SLC36A1: variants seen among roughly 807,000 people sequenced by gnomAD.
The protein encoded by SLC36A1 is proton-coupled amino acid transporter 1.
A neutral mutation model predicts 47.5 loss-of-function variants in SLC36A1; 30 were observed. The ratio of observed to expected loss-of-function variants is 0.63; its 90% CI spans 0.47 to 0.86. The LOEUF is 0.86. Ranked by LOEUF, SLC36A1 falls within the 40% of genes least tolerant of loss-of-function variation. The probability of loss-of-function intolerance (pLI) is 0.00; values close to 1 mark genes in which losing one functional copy is unlikely to be tolerated. For synonymous variants in SLC36A1, 255 were observed against 249.7 expected, an observed-to-expected ratio of 1.02 and a Z score of -0.20; for missense variants, 517 against 606.0, an observed-to-expected ratio of 0.85 and a Z score of 1.54.
At chr5:151,383,475 A>G in the SLC36A1 span, among the ~76,000 whole-genome samples, 1 of 150,992 alleles carries the variant, frequency 6.6e-6, no homozygotes. Flanking sequence ...AAAATATATC[A>G]CTCCAAACAC....
At chr5:151,382,676 AC>A in the SLC36A1 span, among the ~76,000 whole-genome samples, 2 of 152,216 alleles carry the variant, frequency 1.3e-5, no homozygotes, top group Non-Finnish European at 2.9e-5. Flanking sequence ...GGCACATAGT[AC>A]CCCAACTCAT....
At chr5:151,347,431 G>T in the SLC36A1 span, 1 of 1,614,150 alleles carries the variant, frequency 6.2e-7, no homozygotes. Context: ...CGGCTCCCTG[G>T]GGACCCTCAG....
At chr5:151,476,534 G>A in intron 8 of SLC36A1, 56 bp from the exon 9 acceptor site, 2 of 1,330,336 alleles carry the variant, frequency 1.5e-6, no homozygotes, top group East Asian at 2.5e-5. Flanking sequence ...TTTTTTCTTG[G>A]CCATTAACTT....
the SLC36A1 span, chr5:151,525,786 C>T: frequency 1.2e-6 from 2 of 1,614,188 alleles, no homozygotes; most frequent in Non-Finnish European, 1.7e-6. Context: ...GAAGCTGATA[C>T]CATTCCTGAG....
chr5:151,544,856 G>A, the SLC36A1 span: 8 of 1,614,210 alleles, frequency 5.0e-6, no homozygotes, highest in Non-Finnish European at 6.8e-6. Flanking sequence ...GCAGATACCT[G>A]AAAGAGGACA....
chr5:151,405,687 G>A, the SLC36A1 span, among the ~76,000 whole-genome samples: 1 of 152,116 alleles, frequency 6.6e-6, no homozygotes, highest in East Asian at 1.9e-4. Flanking sequence ...ATCTTAGGGG[G>A]CTGGTGTTTC....
chr5:151,479,943 G>T, intron 10 of SLC36A1: 1 of 600,220 alleles, frequency 1.7e-6, no homozygotes, highest in South Asian at 2.3e-5. Flanking sequence ...TAGTATTCTA[G>T]ACATTTTTTA....
At chr5:151,537,329 GAAAGA>G in the SLC36A1 span, among the ~76,000 whole-genome samples, 65,349 of 101,050 alleles carry the variant, frequency 0.65, 15,822 homozygotes, top group African/African-American at 0.68. Context: ...GAGAAAAAAA[GAAAGA>G]AAAGAAAAGA....
At chr5:151,396,273 C>T in the SLC36A1 span, among the ~76,000 whole-genome samples, 527 of 151,576 alleles carry the variant, frequency 3.5e-3, 8 homozygotes, top group African/African-American at 0.012. Context: ...CCACCATGCC[C>T]GACTAATTTA....
rs74794878 is a variant in SLC36A1 at position 151,451,202 on chromosome 5, A to G, written c.-6+3389A>G. On this transcript the variant is annotated intron_variant, in intron 1 of 10. Coordinates refer to ENST00000243389, the MANE Select transcript of SLC36A1 (RefSeq NM_078483.4). The stretch of plus-strand genomic sequence containing the variant: ...CCCAGGGCCAGTTCTTTTTTTACTT[A>G]TTATTTATTTTATTTTATTATTATT... Among the ~76,000 whole-genome samples, 1,649 of 151,732 alleles carry G rather than the reference A, an allele frequency of 0.011. 67 individuals carry two copies. In the East Asian group the frequency reaches 0.14, roughly 13 times the overall value.
At chr5:151,425,024 A>T in the SLC36A1 span, among the ~76,000 whole-genome samples, 3 of 152,242 alleles carry the variant, frequency 2.0e-5, no homozygotes, top group East Asian at 3.8e-4. Flanking sequence ...AAACAACAAA[A>T]AAAGGGCTAA....
At chr5:151,363,999 T>C in the SLC36A1 span, among the ~76,000 whole-genome samples, 2 of 152,222 alleles carry the variant, frequency 1.3e-5, no homozygotes, top group African/African-American at 4.8e-5. Context: ...CAGTATAGTA[T>C]GTACTATAGT....
the SLC36A1 span, chr5:151,527,396 T>C: frequency 6.3e-7 from 1 of 1,579,136 alleles, no homozygotes; most frequent in Non-Finnish European, 8.6e-7. Context: ...AAATGTCCAG[T>C]GGAGGTTAGC....
At chr5:151,392,733 G>C in the SLC36A1 span, among the ~76,000 whole-genome samples, 5 of 152,178 alleles carry the variant, frequency 3.3e-5, no homozygotes, top group African/African-American at 1.2e-4. Flanking sequence ...TCTTAATCCC[G>C]AGTTCTAGTT....
chr5:151,545,280 T>A, the SLC36A1 span: 2 of 1,614,052 alleles, frequency 1.2e-6, no homozygotes, highest in African/African-American at 1.3e-5. Context: ...GCGCAGTGTC[T>A]TGATACAAGC....
At chr5:151,364,562 G>T in the SLC36A1 span, among the ~76,000 whole-genome samples, 5 of 152,156 alleles carry the variant, frequency 3.3e-5, no homozygotes, top group Non-Finnish European at 5.9e-5. Context: ...TAGAATACTT[G>T]TACTATTAAG....
At chr5:151,552,799 A>G in the SLC36A1 span, among the ~76,000 whole-genome samples, 1 of 152,204 alleles carries the variant, frequency 6.6e-6, no homozygotes, top group South Asian at 2.1e-4. Flanking sequence ...GCATGGCCCC[A>G]GGGTATAGCT....
the SLC36A1 span, chr5:151,382,428 A>G: frequency 1.6e-6 from 1 of 627,252 alleles, no homozygotes; most frequent in Admixed American, 2.5e-5. Flanking sequence ...CTCAGTAGGG[A>G]TAGATGTGTT....
At chr5:151,388,863 A>T in the SLC36A1 span, among the ~76,000 whole-genome samples, 1 of 152,090 alleles carries the variant, frequency 6.6e-6, no homozygotes, top group African/African-American at 2.4e-5. Flanking sequence ...TATAAAATGC[A>T]GATATACTCT....
Sources: gnomAD v4.1 joint callset for allele counts (sites outside exome capture counted in the v4.1 genomes callset) on GRCh38, gnomAD v4.1.1 for gene constraint, MANE v1.5 for transcripts, NCBI Gene and HGNC (gene_info 2026-07-23, HGNC 2026-07-21) for gene names.